SNCAIP: variants seen among roughly 807,000 people sequenced by gnomAD.
The protein encoded by SNCAIP is synphilin-1.
A neutral mutation model predicts 86.7 loss-of-function variants in SNCAIP; 43 were observed. That is an observed-to-expected ratio of 0.50 (90% confidence interval 0.39 to 0.64). The LOEUF (loss-of-function observed/expected upper bound fraction) is 0.64. SNCAIP is among the 30% of genes least tolerant of loss of function. SNCAIP has a pLI of 0.00. For missense variants in SNCAIP, 981 were observed against 1,103.1 expected (o/e 0.89, Z 1.57); for synonymous variants, 417 against 427.2 (o/e 0.98, Z 0.29).
At chr5:122,356,021 AAT>A (rs1458583136) in intron 1 of SNCAIP, among the ~76,000 whole-genome samples, 1 of 152,078 alleles carries the variant, frequency 6.6e-6, no homozygotes, top group Non-Finnish European at 1.5e-5. Context: ...TGCATGTTTA[AAT>A]ATATGTAGAT....
At chr5:122,366,542 G>A (rs1472253751) in intron 1 of SNCAIP, among the ~76,000 whole-genome samples, 1 of 152,214 alleles carries the variant, frequency 6.6e-6, no homozygotes, top group Non-Finnish European at 1.5e-5. Context: ...TCATTGGCAA[G>A]TGAAAAGCCA....
chr5:122,349,440 G>A lies in SNCAIP; in HGVS notation c.-47+37156G>A, dbSNP rs895226577. On this transcript the variant is annotated intron_variant, in intron 1 of 10. Transcript: ENST00000261368. ...ACTTCCAGCAAGCTTTCCAACTAACGAAATGAATATAGATATGATTTGCTT... is the reference window on the plus strand; with the variant it reads ...ACTTCCAGCAAGCTTTCCAACTAACAAAATGAATATAGATATGATTTGCTT... Among the ~76,000 whole-genome samples, 8 of 152,062 alleles carry A rather than the reference G, an allele frequency of 5.3e-5. No homozygotes were observed. The East Asian group carries it at 5.8e-4, about 11-fold the overall frequency.
intron 1 of SNCAIP, among the ~76,000 whole-genome samples, chr5:122,390,724 C>G (rs1040403022): frequency 6.6e-6 from 1 of 152,178 alleles, no homozygotes; most frequent in African/African-American, 2.4e-5. Flanking sequence ...TCCAGGCTGG[C>G]TCCCCATTTC....
chr5:122,444,475 C>T, intron 7 of SNCAIP, 88 bp from the exon 8 acceptor site: 4 of 1,257,786 alleles, frequency 3.2e-6, no homozygotes, highest in Non-Finnish European at 4.7e-6. Flanking sequence ...TAGAGGCTCT[C>T]TTCATACTAT....
chr5:122,408,507 C>T (rs1406062194), intron 3 of SNCAIP, among the ~76,000 whole-genome samples: 1 of 152,206 alleles, frequency 6.6e-6, no homozygotes, highest in East Asian at 1.9e-4. Flanking sequence ...GCCCACAAAT[C>T]CTCCTTAGGA....
rs150820801 is a variant in SNCAIP at position 122,357,223 on chromosome 5, C to G, written c.-46-33866C>G. Reference sequence around the variant, plus strand: ...TTGTATGTCTGCCCTAATGTTACCTCTTTATTTTTATTTATTTATTTATTT... The same window carrying G: ...TTGTATGTCTGCCCTAATGTTACCTGTTTATTTTTATTTATTTATTTATTT... On this transcript the variant is annotated intron_variant, in intron 1 of 10. Transcript: ENST00000261368. 9.2e-3 allele frequency among the ~76,000 whole-genome samples: 1,403 copies of G among 152,042 alleles called. 19 individuals carry two copies. The highest frequency in any genetic ancestry group is 0.033 in the African/African-American group (1,348 of 41,458).
intron 2 of SNCAIP, among the ~76,000 whole-genome samples, chr5:122,395,581 T>G (rs944295011): frequency 3.9e-5 from 6 of 152,142 alleles, no homozygotes; most frequent in Non-Finnish European, 5.9e-5. Context: ...AAAAATTAAT[T>G]CTTATGGTAA....
Position 122,450,685 on chromosome 5 carries a change from A to T in SNCAIP, c.1838A>T (p.Asp613Val), listed in dbSNP as rs1648913104. Residue 613 changes from aspartate (D) to valine (V), a missense_variant, in exon 10 of 11, where the codon GAT becomes GTT. Asp to Val is a radical substitution (Grantham distance 152). Coordinates refer to ENST00000261368, the MANE Select transcript of SNCAIP (RefSeq NM_005460.4). The stretch of plus-strand genomic sequence containing the variant: ...AGCCGGGCTAGACCCAAAGCAAAAG[A>T]TGAAGATTCTGATAAAATCTTACGC... Reference protein sequence around the residue: ...ASSRARPKAKDEDSDKILRQL... With the variant: ...ASSRARPKAKVEDSDKILRQL... 1 of 1,614,104 alleles carries T rather than the reference A, an allele frequency of 6.2e-7. No homozygotes were observed. The highest frequency in any genetic ancestry group is 1.7e-5 in the Admixed American group (1 of 60,010).
intron 1 of SNCAIP, among the ~76,000 whole-genome samples, chr5:122,324,818 C>T (rs1292527137): frequency 2.6e-5 from 4 of 152,148 alleles, no homozygotes; most frequent in Non-Finnish European, 5.9e-5. Context: ...GGAGCTTTGA[C>T]AATAATGAGA....
rs758136854 is a variant in SNCAIP, at chr5:122,451,428, T to G, written c.2581T>G (p.Phe861Val). The G allele has an allele frequency of 6.2e-7, 1 of 1,614,038 alleles. No homozygotes were observed. The highest frequency in any genetic ancestry group is 8.5e-7 in the Non-Finnish European group (1 of 1,179,996). ...NESGDQLKRP[F>V]GAFRSIMETL... ...ATCGGGGGATCAACTGAAAAGGCCT[T>G]TTGGAGCCTTTCGATCTATCATGGA... Residue 861 changes from phenylalanine to valine, a missense_variant, in exon 10 of 11, where the codon TTT (phenylalanine) becomes GTT (valine). Phe to Val is a conservative substitution (Grantham distance 50). Transcript: ENST00000261368.
chr5:122,330,100 C>T (rs532881925), intron 1 of SNCAIP, among the ~76,000 whole-genome samples: 4 of 149,974 alleles, frequency 2.7e-5, no homozygotes, highest in African/African-American at 4.9e-5. Context: ...GGCTTACCTC[C>T]GTGTACAACT....
chr5:122,358,201 G>C (rs55712070), intron 1 of SNCAIP, among the ~76,000 whole-genome samples: 1 of 128,608 alleles, frequency 7.8e-6, no homozygotes, highest in African/African-American at 2.9e-5. Context: ...GTGTGTGTGT[G>C]TGTATATATA....
chr5:122,367,585 G>T lies in SNCAIP; in HGVS notation c.-46-23504G>T, dbSNP rs561448312. 1.7e-3 allele frequency among the ~76,000 whole-genome samples: 266 copies of T among 152,186 alleles called. 3 individuals are homozygous for T. The highest frequency in any genetic ancestry group is 1.6e-3 in the Non-Finnish European group (111 of 68,012). On this transcript the variant is annotated intron_variant, in intron 1 of 10. Transcript: ENST00000261368. ...TAGAGATAGAGACTAAGAGGCTCAG[G>T]GCTGGAGTCAGGCCTGGAGACACTT... is the stretch of plus-strand genomic sequence containing the variant.
In SNCAIP at chr5:122,425,347, T is replaced by C; in HGVS notation, c.1003-5T>C. The C allele has an allele frequency of 6.2e-7, 1 of 1,611,726 alleles. No homozygotes were observed. Among genetic ancestry groups the C allele is most frequent in the African/African-American group, 1.3e-5 (1 of 75,028 alleles). ...TTGGGTTTTCTAATCTTACTATTTATACAGCCACACCTAGCTGCAGACAAT... is the reference window on the plus strand; with the variant it reads ...TTGGGTTTTCTAATCTTACTATTTACACAGCCACACCTAGCTGCAGACAAT... On this transcript the variant is annotated splice_region_variant and splice_polypyrimidine_tract_variant and intron_variant, in intron 4 of 10. Transcript: ENST00000261368.
At chr5:122,461,773 G>A (rs1033041541) in intron 10 of SNCAIP, among the ~76,000 whole-genome samples, 2 of 150,838 alleles carry the variant, frequency 1.3e-5, no homozygotes, top group Non-Finnish European at 1.5e-5. Context: ...CTGCCTCCTG[G>A]GTTCAAGTGA....
intron 1 of SNCAIP, among the ~76,000 whole-genome samples, chr5:122,382,865 G>T (rs1273369373): frequency 1.3e-5 from 2 of 152,236 alleles, no homozygotes; most frequent in Non-Finnish European, 2.9e-5. Context: ...GGGGTCAGGG[G>T]TCAGGGACCC....
intron 1 of SNCAIP, among the ~76,000 whole-genome samples, chr5:122,380,514 G>A (rs897122000): frequency 2.7e-5 from 4 of 149,528 alleles, no homozygotes; most frequent in African/African-American, 7.5e-5. Flanking sequence ...TTAATTTTTT[G>A]AAGGGTTTTT....
At position 122,330,117 on chromosome 5, in the gene SNCAIP, CTTTTTTTT is replaced by C. The variant is rs1212303157; in HGVS notation, c.-47+17848_-47+17855del. 5.2e-5 allele frequency among the ~76,000 whole-genome samples: 5 copies of C among 96,850 alleles called. 1 individual carries two copies. Among genetic ancestry groups the C allele is most frequent in the African/African-American group, 8.6e-5 (2 of 23,244 alleles). 63.5% of individuals were successfully genotyped at this position (96,850 alleles called of 152,430 possible). A position where few individuals can be genotyped will look rare whatever the true frequency, so the allele number is the denominator to read the frequency against. On this transcript the variant is annotated intron_variant, in intron 1 of 10. Coordinates refer to ENST00000261368, the MANE Select transcript of SNCAIP (RefSeq NM_005460.4). ...CTTACCTCCGTGTACAACTTCATTT[CTTTTTTTT>C]TTTTTTTTTTTTTTGAGACGGAGTC...
chr5:122,420,419 C>A (rs1776145988), intron 3 of SNCAIP, among the ~76,000 whole-genome samples: 1 of 152,052 alleles, frequency 6.6e-6, no homozygotes, highest in Non-Finnish European at 1.5e-5. Context: ...TGGTACAATG[C>A]ACTCGTTGTA....
Sources: allele counts gnomAD v4.1 joint callset (sites outside exome capture counted in the v4.1 genomes callset), GRCh38; gene constraint gnomAD v4.1.1; transcripts MANE v1.5; gene names NCBI Gene and HGNC (gene_info 2026-07-23, HGNC 2026-07-21).